Variants in RFX4 observed in about 807,000 individuals in gnomAD.
RFX4 encodes the protein regulatory factor X4.
RFX4 carries 10 observed loss-of-function variants against 95.0 expected under a neutral mutation model. The observed-to-expected ratio is 0.11, with a 90% confidence interval of 0.06 to 0.18. The LOEUF (loss-of-function observed/expected upper bound fraction) is 0.18. Among genes scored for constraint, RFX4 ranks in the 10% least tolerant of loss-of-function variants. The pLI is 1.00. For synonymous variants in RFX4, 321 were observed against 340.7 expected (o/e 0.94, Z 0.64); for missense variants, 640 against 922.0 (o/e 0.69, Z 3.96).
chr12:106,601,748 C>G (rs1175491663), intron 1 of RFX4, among the ~76,000 whole-genome samples: 1 of 152,218 alleles, frequency 6.6e-6, no homozygotes, highest in Non-Finnish European at 1.5e-5. Flanking sequence ...TTGCAATCTG[C>G]TCCTAACGGA....
intron 13 of RFX4, among the ~76,000 whole-genome samples, chr12:106,723,661 C>T (rs947307430): frequency 3.9e-5 from 6 of 152,140 alleles, no homozygotes; most frequent in African/African-American, 1.2e-4. Context: ...TGTCAGGGAG[C>T]GGCTCCCAGA....
Position 106,586,621 on chromosome 12 carries a change from G to A in RFX4, c.43+3258G>A, listed in dbSNP as rs2039461832. On this transcript the variant is annotated intron_variant, in intron 1 of 17. Transcript: ENST00000392842. The surrounding 1 kb of genome is among the most constrained non-coding windows in gnomAD (Gnocchi z 5.6). Reference sequence around the variant, plus strand: ...TCCGCTCCCATCTCCAGAACCCAGAGCTGAGGCGGCCAAAGTACTTCCTGG... The same window carrying A: ...TCCGCTCCCATCTCCAGAACCCAGAACTGAGGCGGCCAAAGTACTTCCTGG... 6.6e-6 allele frequency among the ~76,000 whole-genome samples: 1 copy of A among 152,198 alleles called. No homozygotes were observed. Among genetic ancestry groups the A allele is most frequent in the Non-Finnish European group, 1.5e-5 (1 of 68,034 alleles).
rs1302688768 is a variant in RFX4, at chr12:106,709,436, T to C, written c.934+6T>C. 1 of 1,606,276 alleles carries C rather than the reference T, an allele frequency of 6.2e-7. No individual in the cohort carries two copies. Among genetic ancestry groups the C allele is most frequent in the Non-Finnish European group, 8.5e-7 (1 of 1,176,170 alleles). Reference sequence around the variant, plus strand: ...GCGAAACATCAAGTTCGAATGTAAGTACTGAGTTGAGAGCGGGATGGAAGA... The same window carrying C: ...GCGAAACATCAAGTTCGAATGTAAGCACTGAGTTGAGAGCGGGATGGAAGA... On this transcript the variant is annotated splice_donor_region_variant and intron_variant, in intron 9 of 17. Coordinates refer to ENST00000392842, the MANE Select transcript of RFX4 (RefSeq NM_213594.3).
intron 3 of RFX4, among the ~76,000 whole-genome samples, chr12:106,642,850 C>T (rs955554140): frequency 2.6e-5 from 4 of 152,162 alleles, no homozygotes; most frequent in Non-Finnish European, 4.4e-5. Context: ...ACAGCTTCTA[C>T]AAAGGCCCCA....
intron 2 of RFX4, among the ~76,000 whole-genome samples, chr12:106,623,231 G>C (rs1433317024): frequency 1.3e-5 from 2 of 150,774 alleles, no homozygotes; most frequent in East Asian, 3.9e-4. Context: ...GTAGAGACAG[G>C]GTTTCACGGT....
chr12:106,637,786 G>T (rs1226672673), intron 2 of RFX4, among the ~76,000 whole-genome samples: 2 of 152,064 alleles, frequency 1.3e-5, no homozygotes, highest in Non-Finnish European at 2.9e-5. Context: ...TTGTGGTATT[G>T]CAGGGATCAG....
Position 106,720,732 on chromosome 12 carries a change from C to G in RFX4, c.1234-27C>G, listed in dbSNP as rs1193920693. On this transcript the variant is annotated intron_variant, in intron 12 of 17. Coordinates refer to ENST00000392842, the MANE Select transcript of RFX4 (RefSeq NM_213594.3). The surrounding 1 kb of genome is among the most constrained non-coding windows in gnomAD (Gnocchi z 4.2). Reference sequence around the variant, plus strand: ...AATAAATGAAAGGTCAAGTCGACCACTATTAAAGCCATTTACTTTCTTGTA... The same window carrying G: ...AATAAATGAAAGGTCAAGTCGACCAGTATTAAAGCCATTTACTTTCTTGTA... 1 of 1,599,318 alleles carries G rather than the reference C, an allele frequency of 6.3e-7. No homozygotes were observed. Among genetic ancestry groups the G allele is most frequent in the Non-Finnish European group, 8.6e-7 (1 of 1,166,724 alleles).
chr12:106,591,609 A>G (rs1336668364), intron 1 of RFX4, among the ~76,000 whole-genome samples: 1 of 152,190 alleles, frequency 6.6e-6, no homozygotes, highest in Non-Finnish European at 1.5e-5. Flanking sequence ...ATAATTGTTG[A>G]CAAAAATAGG....
chr12:106,660,658 G>T (rs973370992), intron 4 of RFX4, among the ~76,000 whole-genome samples: 33 of 152,174 alleles, frequency 2.2e-4, no homozygotes, highest in African/African-American at 7.5e-4. Context: ...GTAGAGCAGA[G>T]GTCCTCAACC....
intron 1 of RFX4, chr12:106,583,625 C>G (rs769909048): frequency 2.8e-5 from 10 of 357,048 alleles, no homozygotes; most frequent in Non-Finnish European, 5.0e-5. Context: ...CTTTCGCTTG[C>G]CCTGGACACA....
At chr12:106,659,997 G>A (rs899018231) in intron 4 of RFX4, among the ~76,000 whole-genome samples, 36 of 152,138 alleles carry the variant, frequency 2.4e-4, no homozygotes, top group Non-Finnish European at 5.9e-5. Flanking sequence ...CAAGTGTGCT[G>A]ATCACTGCAG....
At chr12:106,641,834 C>T (rs1373562920) in intron 3 of RFX4, among the ~76,000 whole-genome samples, 2 of 152,066 alleles carry the variant, frequency 1.3e-5, no homozygotes, top group African/African-American at 4.8e-5. Flanking sequence ...TACTGAGCAC[C>T]TGGTATTTGC....
intron 5 of RFX4, chr12:106,684,671 G>T: frequency 4.1e-6 from 6 of 1,449,588 alleles, no homozygotes; most frequent in Non-Finnish European, 4.5e-6. Context: ...TGAAGCCACC[G>T]GAACCATGCT....
chr12:106,737,162 G>GTTTTTTT lies in RFX4; in HGVS notation c.1633+4111_1633+4117dup, dbSNP rs556116618. The stretch of plus-strand genomic sequence containing the variant: ...TTTCCAGAATAGACTCGGAACTAAA[G>GTTTTTTT]TTTTTTTTTTTTTTTTTTTTTTTTT... On this transcript the variant is annotated intron_variant, in intron 15 of 17. Coordinates refer to ENST00000392842, the MANE Select transcript of RFX4 (RefSeq NM_213594.3). Among the ~76,000 whole-genome samples the GTTTTTTT allele has an allele frequency of 2.7e-4, 15 of 54,924 alleles. 1 individual carries two copies. Among genetic ancestry groups the GTTTTTTT allele is most frequent in the Non-Finnish European group, 4.5e-4 (13 of 28,650 alleles). The allele number at this position is 54,924 out of a possible 152,430, so 36.0% of individuals were successfully genotyped here.
At chr12:106,603,425 G>C (rs554875998) in intron 1 of RFX4, among the ~76,000 whole-genome samples, 1 of 152,182 alleles carries the variant, frequency 6.6e-6, no homozygotes, top group Non-Finnish European at 1.5e-5. Context: ...AAGTGCAGAG[G>C]CATAAAGATC....
intron 15 of RFX4, among the ~76,000 whole-genome samples, chr12:106,742,146 G>A (rs2042818301): frequency 6.6e-6 from 1 of 152,148 alleles, no homozygotes; most frequent in Non-Finnish European, 1.5e-5. Context: ...GAAGTCTGTA[G>A]CAGAATCTCA....
At chr12:106,677,206 A>G (rs1211241861) in intron 4 of RFX4, among the ~76,000 whole-genome samples, 1 of 152,164 alleles carries the variant, frequency 6.6e-6, no homozygotes, top group Non-Finnish European at 1.5e-5. Context: ...CTGTTTCCCA[A>G]TTCACTAGGA....
chr12:106,600,281 G>A (rs559576281), intron 1 of RFX4, among the ~76,000 whole-genome samples: 3 of 152,224 alleles, frequency 2.0e-5, no homozygotes, highest in East Asian at 3.9e-4. Context: ...CCAGGAACAC[G>A]CTTCCTCCCT....
intron 4 of RFX4, among the ~76,000 whole-genome samples, chr12:106,664,969 G>T (rs1045028121): frequency 6.6e-6 from 1 of 151,922 alleles, no homozygotes; most frequent in South Asian, 2.1e-4. Context: ...ATAAGTTTGA[G>T]AATATATATT....
Sources: allele counts gnomAD v4.1 joint callset (sites outside exome capture counted in the v4.1 genomes callset), GRCh38; gene constraint gnomAD v4.1.1; non-coding constraint Gnocchi (gnomAD v3.1); transcripts MANE v1.5; gene names NCBI Gene and HGNC (gene_info 2026-07-23, HGNC 2026-07-21).